The following NDUFB5 variants were observed in gnomAD, a reference collection of about 807,000 sequenced individuals.
NDUFB5 encodes the protein NADH:ubiquinone oxidoreductase subunit B5, also known as NADH dehydrogenase [ubiquinone] 1 beta subcomplex subunit 5, mitochondrial.
NDUFB5 carries 19 observed loss-of-function variants against 19.4 expected under a neutral mutation model. The observed-to-expected ratio is 0.98, with a 90% CI of 0.68 to 1.43. NDUFB5 has a LOEUF of 1.43. Ranked by LOEUF, NDUFB5 falls within the 40% of genes most tolerant of loss-of-function variation. The pLI is 0.00. For missense variants in NDUFB5, 233 were observed against 236.5 expected (o/e 0.99, Z 0.10); for synonymous variants, 80 against 82.6 (o/e 0.97, Z 0.17).
At chr3:179,605,463 T>G (rs1284306377) in intron 1 of NDUFB5, among the ~76,000 whole-genome samples, 1 of 152,102 alleles carries the variant, frequency 6.6e-6, no homozygotes, top group Non-Finnish European at 1.5e-5. Context: ...TGTTTTGTTT[T>G]GTTTTGTTTG....
intron 1 of NDUFB5, among the ~76,000 whole-genome samples, chr3:179,606,592 C>G (rs1445251283): frequency 6.6e-6 from 1 of 152,170 alleles, no homozygotes; most frequent in East Asian, 1.9e-4. Context: ...CCTGCCTTGG[C>G]CTCCCAGAGT....
chr3:179,623,851 T>C lies in NDUFB5; in HGVS notation c.450-69T>C, dbSNP rs980739731. On this transcript the variant is annotated intron_variant, in intron 5 of 5. Coordinates refer to ENST00000259037, the MANE Select transcript of NDUFB5 (RefSeq NM_002492.4). ...AGCAGACTCCAGTGATTGTCCTTTA[T>C]GGAAATGGCTCATTAAATTTATAAT... The C allele has an allele frequency of 6.3e-6, 10 of 1,580,620 alleles. No homozygotes were observed. In the African/African-American group the frequency reaches 9.4e-5, roughly 15 times the overall value.
At chr3:179,610,222 A>G (rs1186615014) in intron 1 of NDUFB5, among the ~76,000 whole-genome samples, 1 of 152,134 alleles carries the variant, frequency 6.6e-6, no homozygotes, top group Non-Finnish European at 1.5e-5. Flanking sequence ...CCTCCTGAGT[A>G]GCTGGGATGA....
rs554195833 is a variant in NDUFB5, at chr3:179,627,474, C to T, written c.*3434C>T. On this transcript the variant is annotated 3_prime_UTR_variant, in exon 6 of 6. Coordinates refer to ENST00000259037, the MANE Select transcript of NDUFB5 (RefSeq NM_002492.4). ...AGAAATGATGTAATGCATGTCTTGACTGAATAACTGTCTTTGTTTCTTGCT... is the reference window on the plus strand; with the variant it reads ...AGAAATGATGTAATGCATGTCTTGATTGAATAACTGTCTTTGTTTCTTGCT... 9 of 152,300 alleles carry T rather than the reference C, an allele frequency of 5.9e-5. No individual in the cohort carries two copies. The highest frequency in any genetic ancestry group is 1.9e-4 in the African/African-American group (8 of 41,538). 9.4% of individuals were successfully genotyped at this position (152,300 alleles called of 1,614,324 possible).
chr3:179,608,642 G>C (rs1037611578), intron 1 of NDUFB5, among the ~76,000 whole-genome samples: 48 of 152,162 alleles, frequency 3.2e-4, no homozygotes, highest in African/African-American at 1.2e-3. Flanking sequence ...AGACAAAAGT[G>C]ACTAACTTTT....
intron 1 of NDUFB5, among the ~76,000 whole-genome samples, chr3:179,607,042 A>G (rs189104129): frequency 1.3e-4 from 20 of 152,350 alleles, no homozygotes; most frequent in East Asian, 1.9e-4. Flanking sequence ...GTAGTATTCA[A>G]TCAAATCCAG....
Position 179,623,916 on chromosome 3 carries a change from A to T in NDUFB5, c.450-4A>T. 6.2e-7 allele frequency: 1 copy of T among 1,613,492 alleles called. No homozygotes were observed. Among genetic ancestry groups the T allele is most frequent in the South Asian group, 1.1e-5 (1 of 90,856 alleles). ...TCTCAATATTGCTGTTCCATTTGTT[A>T]CAGGGTAAAGGAGCTGGAAGTGCGA... On this transcript the variant is annotated splice_region_variant and splice_polypyrimidine_tract_variant and intron_variant, in intron 5 of 5. Transcript: ENST00000259037.
chr3:179,614,809 G>A (rs113430014), intron 1 of NDUFB5, 162 bp from the exon 2 acceptor site: 105 of 415,504 alleles, frequency 2.5e-4, no homozygotes, highest in African/African-American at 2.0e-3. Flanking sequence ...TCATAACAAG[G>A]TTTGAGGGAG....
intron 5 of NDUFB5, among the ~76,000 whole-genome samples, chr3:179,621,555 T>TCTCGG (rs1560027299): frequency 4.1e-5 from 6 of 147,340 alleles, no homozygotes; most frequent in East Asian, 2.0e-4. Context: ...TACAGTGGCG[T>TCTCGG]GGTCTCGGCA....
At chr3:179,607,251 CTG>C (rs1226137719) in intron 1 of NDUFB5, among the ~76,000 whole-genome samples, 27 of 152,206 alleles carry the variant, frequency 1.8e-4, no homozygotes, top group Admixed American at 1.8e-3. Flanking sequence ...GCATCTGTCA[CTG>C]TGATATGAAA....
At chr3:179,616,252 A>G (rs963230607) in intron 3 of NDUFB5, among the ~76,000 whole-genome samples, 3 of 152,194 alleles carry the variant, frequency 2.0e-5, no homozygotes, top group African/African-American at 7.2e-5. Flanking sequence ...ATATAAAACT[A>G]TAATCCTCGG....
In NDUFB5 at chr3:179,625,533, T is replaced by C. The variant is rs1159707417; in HGVS notation, c.*1493T>C. The C allele has an allele frequency of 1.3e-5, 2 of 152,176 alleles. No individual in the cohort carries two copies. The highest frequency in any genetic ancestry group is 2.4e-5 in the African/African-American group (1 of 41,444). The allele number at this position is 152,176 out of a possible 1,614,324, so 9.4% of individuals were successfully genotyped here. The stretch of plus-strand genomic sequence containing the variant: ...TTGAATATACATATATTTCAAAATA[T>C]AGTTATATATTTCAAAATAAGATAT... On this transcript the variant is annotated 3_prime_UTR_variant, in exon 6 of 6. Transcript: ENST00000259037.
At chr3:179,616,544 C>A (rs979470688) in intron 3 of NDUFB5, among the ~76,000 whole-genome samples, 1 of 151,508 alleles carries the variant, frequency 6.6e-6, no homozygotes, top group Admixed American at 6.6e-5. Flanking sequence ...TCTGTCCCCC[C>A]CCCAAAAAAA....
chr3:179,604,999 C>A, intron 1 of NDUFB5, 60 bp downstream of exon 1: 2 of 1,484,536 alleles, frequency 1.3e-6, no homozygotes, highest in Non-Finnish European at 1.8e-6. Context: ...AAAGGGAGGA[C>A]GCTTCCAGGG....
intron 4 of NDUFB5, 91 bp downstream of exon 4, chr3:179,617,135 G>A (rs531392674): frequency 1.9e-6 from 2 of 1,039,252 alleles, no homozygotes; most frequent in Admixed American, 5.0e-5. Context: ...ATATAGTCAG[G>A]TTTTTTGTTT....
chr3:179,614,780 G>A (rs1719332243), intron 1 of NDUFB5, 191 bp from the exon 2 acceptor site: 2 of 347,662 alleles, frequency 5.8e-6, no homozygotes, highest in East Asian at 4.3e-5. Context: ...TTTCATGTCA[G>A]ATGGGTAATG....
At position 179,627,446 on chromosome 3, in the gene NDUFB5, G is replaced by A. The variant is rs969036128; in HGVS notation, c.*3406G>A. 2.0e-5 allele frequency: 3 copies of A among 152,168 alleles called. No homozygotes were observed. The highest frequency in any genetic ancestry group is 7.2e-5 in the African/African-American group (3 of 41,426). The allele number at this position is 152,168 out of a possible 1,614,324, so 9.4% of individuals were successfully genotyped here. On this transcript the variant is annotated 3_prime_UTR_variant, in exon 6 of 6. Coordinates refer to ENST00000259037, the MANE Select transcript of NDUFB5 (RefSeq NM_002492.4). ...CGCAAAACATGTTTTTCCTTGAAAA[G>A]TAAGAAATGATGTAATGCATGTCTT... is the stretch of plus-strand genomic sequence containing the variant.
chr3:179,613,624 A>G (rs562025451), intron 1 of NDUFB5, among the ~76,000 whole-genome samples: 20 of 152,346 alleles, frequency 1.3e-4, no homozygotes, highest in African/African-American at 4.8e-4. Flanking sequence ...TGAAGTCCAT[A>G]CTTACTTTGT....
chr3:179,607,911 C>T, intron 1 of NDUFB5: 1 of 664,596 alleles, frequency 1.5e-6, no homozygotes, highest in East Asian at 2.7e-5. Flanking sequence ...CTTTTTAAAG[C>T]TGAATTGTCC....
Sources: allele counts gnomAD v4.1 joint callset (sites outside exome capture counted in the v4.1 genomes callset), GRCh38; gene constraint gnomAD v4.1.1; transcripts MANE v1.5; gene names NCBI Gene and HGNC (gene_info 2026-07-23, HGNC 2026-07-21).